PRDM16: variants seen among roughly 807,000 people sequenced by gnomAD.
PRDM16 encodes the protein PR/SET domain 16.
In PRDM16, 23 loss-of-function variants were observed where a neutral mutation model predicts 110.6. The observed-to-expected ratio is 0.21, with a 90% CI of 0.15 to 0.29. The LOEUF is 0.29. Ranked by LOEUF, PRDM16 falls within the 10% of genes least tolerant of loss-of-function variation. The probability of loss-of-function intolerance (pLI) is 1.00; values close to 1 mark genes in which losing one functional copy is unlikely to be tolerated. For synonymous variants in PRDM16, 799 were observed against 781.8 expected (o/e 1.02, Z -0.37); for missense variants, 1,615 against 1,794.3 (o/e 0.90, Z 1.81).
At chr1:3,287,563 CGCGG>C (rs1640882190) in intron 3 of PRDM16, among the ~76,000 whole-genome samples, 1 of 43,716 alleles carries the variant, frequency 2.3e-5, no homozygotes, top group African/African-American at 1.7e-4. Flanking sequence ...CCCCCTGCCA[CGCGG>C]GCATCCAGGA....
Position 3,414,459 on chromosome 1 carries a change from G to T in PRDM16, c.2604-101G>T, listed in dbSNP as rs1409516963. On this transcript the variant is annotated intron_variant, in intron 9 of 16. Coordinates refer to ENST00000270722, the MANE Select transcript of PRDM16 (RefSeq NM_022114.4). The stretch of plus-strand genomic sequence containing the variant: ...GGTCCACACCATGGCCTTGTGACTG[G>T]CCAGGTATATGGTCAGGCGGGGTGG... The T allele has an allele frequency of 4.9e-6, 4 of 819,178 alleles. No homozygotes were observed. In the East Asian group the frequency reaches 1.0e-4, roughly 21 times the overall value. 50.7% of individuals were successfully genotyped at this position (819,178 alleles called of 1,614,324 possible). A position where few individuals can be genotyped will look rare whatever the true frequency, so the allele number is the denominator to read the frequency against.
chr1:3,297,629 G>A (rs545395761), intron 3 of PRDM16, among the ~76,000 whole-genome samples: 7 of 152,244 alleles, frequency 4.6e-5, no homozygotes, highest in Admixed American at 4.6e-4. Flanking sequence ...ATAGCAGGCA[G>A]GTAGGGAGCT....
chr1:3,216,786 G>A (rs1209277235), intron 2 of PRDM16, among the ~76,000 whole-genome samples: 1 of 152,240 alleles, frequency 6.6e-6, no homozygotes, highest in Non-Finnish European at 1.5e-5. Flanking sequence ...GGGCGGGGCT[G>A]TGGCTGTGGC....
rs981526566 is a variant in PRDM16 at position 3,180,909 on chromosome 1, T to G, written c.38-5216T>G. Reference sequence around the variant, plus strand: ...ACACACGGCCTCACACACGCAGTCTTACACGCAGCCTTACACACGCAGCCA... The same window carrying G: ...ACACACGGCCTCACACACGCAGTCTGACACGCAGCCTTACACACGCAGCCA... On this transcript the variant is annotated intron_variant, in intron 1 of 16. Transcript: ENST00000270722. Among the ~76,000 whole-genome samples the G allele has an allele frequency of 9.0e-4, 118 of 131,140 alleles. 1 individual carries two copies. Among genetic ancestry groups the G allele is most frequent in the African/African-American group, 3.0e-3 (111 of 36,786 alleles). 86.0% of individuals were successfully genotyped at this position (131,140 alleles called of 152,430 possible). A position where few individuals can be genotyped will look rare whatever the true frequency, so the allele number is the denominator to read the frequency against.
At chr1:3,158,605 TG>T (rs1243788128) in intron 1 of PRDM16, among the ~76,000 whole-genome samples, 4 of 152,086 alleles carry the variant, frequency 2.6e-5, no homozygotes. Flanking sequence ...CCAGCTGTTA[TG>T]GGGGGAAAAG....
chr1:3,216,858 T>A (rs2817145), intron 2 of PRDM16, among the ~76,000 whole-genome samples: 60,698 of 152,084 alleles, frequency 0.4, 18,030 homozygotes, highest in African/African-American at 0.82. Flanking sequence ...TGCCATAGAG[T>A]TCAGGTGCCC....
chr1:3,164,159 C>T (rs922124590), intron 1 of PRDM16, among the ~76,000 whole-genome samples: 5 of 152,258 alleles, frequency 3.3e-5, no homozygotes, highest in African/African-American at 9.6e-5. Context: ...ACCATGCAAA[C>T]GTCCGGCCAG....
intron 2 of PRDM16, among the ~76,000 whole-genome samples, chr1:3,193,292 C>G (rs753232538): frequency 5.3e-5 from 8 of 152,242 alleles, no homozygotes; most frequent in Non-Finnish European, 1.2e-4. Context: ...GGCTCCTGCC[C>G]GGCCCCCCAA....
chr1:3,185,827 G>T (rs1007777214), intron 1 of PRDM16, among the ~76,000 whole-genome samples: 1 of 152,232 alleles, frequency 6.6e-6, no homozygotes, highest in African/African-American at 2.4e-5. Flanking sequence ...TCCTCAGGTG[G>T]CTGTGGGAGC....
intron 3 of PRDM16, chr1:3,308,659 G>T (rs1451225215): frequency 6.6e-6 from 1 of 152,254 alleles, no homozygotes; most frequent in Non-Finnish European, 1.5e-5. Flanking sequence ...CGGCTTGCAA[G>T]CCTCCAGCCT....
At chr1:3,226,409 TC>T (rs1380610065) in intron 2 of PRDM16, among the ~76,000 whole-genome samples, 1 of 152,076 alleles carries the variant, frequency 6.6e-6, no homozygotes, top group African/African-American at 2.4e-5. Context: ...CTCCACGGCT[TC>T]CCCCTTATCT....
intron 3 of PRDM16, among the ~76,000 whole-genome samples, chr1:3,318,356 G>T (rs1423178831): frequency 6.6e-6 from 1 of 152,136 alleles, no homozygotes; most frequent in African/African-American, 2.4e-5. Context: ...TAAGAAAATT[G>T]TGATCTGGTT....
At chr1:3,331,214 G>C (rs1399718872) in intron 3 of PRDM16, among the ~76,000 whole-genome samples, 2 of 152,172 alleles carry the variant, frequency 1.3e-5, no homozygotes, top group African/African-American at 4.8e-5. Flanking sequence ...GATTGCAGGG[G>C]GGAAGCTGCG....
chr1:3,091,205 G>A (rs1642268412), intron 1 of PRDM16, among the ~76,000 whole-genome samples: 1 of 152,204 alleles, frequency 6.6e-6, no homozygotes, highest in Non-Finnish European at 1.5e-5. Flanking sequence ...CACACAGAGC[G>A]CTTCCATCAG....
intron 1 of PRDM16, among the ~76,000 whole-genome samples, chr1:3,098,311 C>T (rs1179655012): frequency 6.6e-6 from 1 of 152,192 alleles, no homozygotes; most frequent in Non-Finnish European, 1.5e-5. Context: ...CGGCTCCCTG[C>T]TCCCTGCTCC....
chr1:3,143,377 CA>C lies in PRDM16; in HGVS notation c.38-42747del, dbSNP rs1421042131. Among the ~76,000 whole-genome samples, 2 of 152,210 alleles carry C rather than the reference CA, an allele frequency of 1.3e-5. No homozygotes were observed. The highest frequency in any genetic ancestry group is 4.8e-5 in the African/African-American group (2 of 41,450). On this transcript the variant is annotated intron_variant, in intron 1 of 16. Transcript: ENST00000270722. This position sits in a 1 kb window ranked among gnomAD's most constrained non-coding sequence, Gnocchi z 4.5. ...AAGCACCAGCCCCTCGCCCCAGTCC[CA>C]GCAGGTGGCCTCCCCAACTTGAGCT...
At chr1:3,194,806 G>A (rs150201593) in intron 2 of PRDM16, among the ~76,000 whole-genome samples, 10 of 152,198 alleles carry the variant, frequency 6.6e-5, no homozygotes, top group Non-Finnish European at 1.2e-4. Context: ...GCCAAAACTC[G>A]TTCCTGGCCT....
intron 2 of PRDM16, among the ~76,000 whole-genome samples, chr1:3,189,423 G>A (rs146312703): frequency 0.012 from 1,828 of 152,272 alleles, 66 homozygotes; most frequent in East Asian, 0.099. Context: ...CCCAAGTCAG[G>A]CCTGGGACAG....
Position 3,370,494 on chromosome 1 carries a change from C to G in PRDM16, c.439-14658C>G, listed in dbSNP as rs1642886882. Among the ~76,000 whole-genome samples the G allele has an allele frequency of 6.6e-6, 1 of 152,144 alleles. No homozygotes were observed. Among genetic ancestry groups the G allele is most frequent in the Admixed American group, 6.5e-5 (1 of 15,280 alleles). The stretch of plus-strand genomic sequence containing the variant: ...CATTGAGCACTCATGGTTTGCCTGG[C>G]TCTGGGAATCAGCCAGATAAAACCT... On this transcript the variant is annotated intron_variant, in intron 3 of 16. Transcript: ENST00000270722. This position sits in a 1 kb window ranked among gnomAD's most constrained non-coding sequence, Gnocchi z 4.8.
Sources: gnomAD v4.1 joint callset for allele counts (sites outside exome capture counted in the v4.1 genomes callset) on GRCh38, gnomAD v4.1.1 for gene constraint, Gnocchi (gnomAD v3.1) non-coding constraint, MANE v1.5 for transcripts, NCBI Gene and HGNC (gene_info 2026-07-23, HGNC 2026-07-21) for gene names.